Variants in DMD observed in about 807,000 individuals in gnomAD.
DMD encodes the protein mutant dystrophin.
Under a neutral mutation model 330.1 loss-of-function variants are expected in DMD, and 63 were observed. The ratio of observed to expected loss-of-function variants is 0.19; its 90% CI spans 0.16 to 0.24. The LOEUF is 0.24. Among genes scored for constraint, DMD ranks in the 10% least tolerant of loss-of-function variants. The pLI, the probability that DMD is intolerant of heterozygous loss-of-function variation, is 1.00. For missense variants in DMD, 3,344 were observed against 2,684.1 expected (o/e 1.25, Z -5.43); for synonymous variants, 1,223 against 959.8 (o/e 1.27, Z -5.07).
chrX:32,596,003 A>G, intron 12 of DMD, 127 bp from the exon 13 acceptor site: 1 of 599,037 alleles, frequency 1.7e-6, no homozygotes, highest in Non-Finnish European at 2.7e-6. Flanking sequence ...TATTAACCTA[A>G]AACCATTCCA....
chrX:31,687,757 G>A (rs1475889604), intron 52 of DMD, among the ~76,000 whole-genome samples: 1 of 112,138 alleles, frequency 8.9e-6, no homozygotes. Flanking sequence ...GCTGCCAGAT[G>A]TATTGAAGCT....
chrX:31,760,990 G>A (rs1251948900), intron 51 of DMD, among the ~76,000 whole-genome samples: 4 of 99,079 alleles, frequency 4.0e-5, no homozygotes, highest in African/African-American at 1.5e-4. Flanking sequence ...TGTCGCCCAG[G>A]CTGGAGTGCA....
At chrX:32,583,391 C>T (rs948026923) in intron 13 of DMD, among the ~76,000 whole-genome samples, 1 of 111,240 alleles carries the variant, frequency 9.0e-6, no homozygotes, top group Non-Finnish European at 1.9e-5. Flanking sequence ...CCCAGCTATT[C>T]AGGAGGTTGA....
chrX:32,844,813 G>A lies in DMD; in HGVS notation c.234C>T (p.Asn78=), dbSNP rs1370357378. The A allele has an allele frequency of 8.3e-7, 1 of 1,209,943 alleles. No individual in the cohort carries two copies. The highest frequency in any genetic ancestry group is 1.7e-5 in the African/African-American group (1 of 57,208). ...TGTTCTGCAAAACCCGCAGTGCCTTGTTGACATTGTTCAGGGCATGAACTC... is the reference window on the plus strand; with the variant it reads ...TGTTCTGCAAAACCCGCAGTGCCTTATTGACATTGTTCAGGGCATGAACTC... The part of the protein sequence containing the change: ...STRVHALNNV[N]KALRVLQNNN... The change falls in exon 4 of 79, where the codon AAC becomes AAT. Residue 78 remains asparagine, a synonymous_variant. Transcript: ENST00000357033.
At chrX:31,348,171 T>G (rs921134682) in intron 61 of DMD, 4 of 201,783 alleles carry the variant, frequency 2.0e-5, no homozygotes, top group South Asian at 8.1e-5. Context: ...AGGCAGAAAT[T>G]AAAAACTCAA....
chrX:31,804,565 C>G (rs1212288440), intron 50 of DMD, among the ~76,000 whole-genome samples: 1 of 111,975 alleles, frequency 8.9e-6, no homozygotes, highest in East Asian at 2.8e-4. Flanking sequence ...AATTACCCTT[C>G]AAATAAAATG....
chrX:32,457,751 G>A (rs1253653470), intron 25 of DMD, among the ~76,000 whole-genome samples: 2 of 109,887 alleles, frequency 1.8e-5, no homozygotes, highest in Non-Finnish European at 3.8e-5. Context: ...GAGATCTGAC[G>A]AAAGAGATCT....
intron 77 of DMD, among the ~76,000 whole-genome samples, chrX:31,129,958 GA>G (rs1479428132): frequency 9.0e-6 from 1 of 111,689 alleles, no homozygotes; most frequent in Non-Finnish European, 1.9e-5. Flanking sequence ...GGGATGGTAT[GA>G]AAAAAAGAGG....
At chrX:31,809,481 A>G (rs1453309873) in intron 50 of DMD, among the ~76,000 whole-genome samples, 2 of 110,047 alleles carry the variant, frequency 1.8e-5, no homozygotes, top group African/African-American at 6.6e-5. Flanking sequence ...TTGCAATTTA[A>G]GTGGGTACTG....
intron 43 of DMD, among the ~76,000 whole-genome samples, chrX:32,251,124 G>C (rs190122060): frequency 9.1e-6 from 1 of 109,634 alleles, no homozygotes; most frequent in Admixed American, 9.8e-5. Context: ...AACCACCATA[G>C]CACGTGTATA....
chrX:32,556,938 A>T (rs2050367238), intron 16 of DMD, among the ~76,000 whole-genome samples: 1 of 111,782 alleles, frequency 8.9e-6, no homozygotes, highest in Non-Finnish European at 1.9e-5. Flanking sequence ...TATTTTGCAA[A>T]TACTAATACT....
At chrX:32,761,492 T>C (rs2072287100) in intron 7 of DMD, among the ~76,000 whole-genome samples, 1 of 111,923 alleles carries the variant, frequency 8.9e-6, no homozygotes, top group Non-Finnish European at 1.9e-5. Flanking sequence ...ACATACACAA[T>C]GATGATGATG....
chrX:32,741,867 T>TA (rs1232396891), intron 7 of DMD, among the ~76,000 whole-genome samples: 1 of 112,253 alleles, frequency 8.9e-6, no homozygotes, highest in Non-Finnish European at 1.9e-5. Flanking sequence ...TAGAACCTTT[T>TA]AAATAAACTT....
chrX:33,032,260 T>C (rs1173233458), intron 1 of DMD, among the ~76,000 whole-genome samples: 3 of 112,153 alleles, frequency 2.7e-5, no homozygotes, highest in Non-Finnish European at 1.9e-5. Flanking sequence ...AGTACACGCC[T>C]CAGGTAGCCT....
intron 28 of DMD, 82 bp from the exon 29 acceptor site, chrX:32,438,472 G>T: frequency 9.4e-7 from 1 of 1,059,488 alleles, no homozygotes; most frequent in South Asian, 1.9e-5. Context: ...AGTATCTTCT[G>T]ATTTACATAT....
intron 55 of DMD, among the ~76,000 whole-genome samples, chrX:31,565,518 T>A (rs2075419401): frequency 8.9e-6 from 1 of 112,163 alleles, no homozygotes; most frequent in East Asian, 2.8e-4. Context: ...TATGTATGGA[T>A]GTACCGTAGT....
intron 1 of DMD, among the ~76,000 whole-genome samples, chrX:33,064,378 A>G (rs1314644631): frequency 9.0e-6 from 1 of 111,359 alleles, no homozygotes; most frequent in Non-Finnish European, 1.9e-5. Flanking sequence ...GAAATCCTTT[A>G]ATTGTTACTT....
rs188885722 is a variant in DMD, at chrX:33,241,410, A to G, written c.7+97849T>C. 4.5e-5 allele frequency among the ~76,000 whole-genome samples: 5 copies of G among 111,573 alleles called. No homozygotes were observed. The Admixed American group carries it at 4.8e-4, about 11-fold the overall frequency. On this transcript the variant is annotated intron_variant, in intron 1 of 17. Transcript: ENST00000288447. ...GGCCTCTGTTTTATTCCATTGGTCT[A>G]TGTGTCTGTTTTTATGCCAGCACCA...
intron 1 of DMD, among the ~76,000 whole-genome samples, chrX:33,102,297 C>T (rs932156291): frequency 1.2e-4 from 11 of 92,291 alleles, no homozygotes; most frequent in African/African-American, 4.1e-4. Flanking sequence ...GATATTACCC[C>T]AGAAGGCTGG....
Sources: allele counts gnomAD v4.1 joint callset (sites outside exome capture counted in the v4.1 genomes callset), GRCh38; gene constraint gnomAD v4.1.1; transcripts MANE v1.5; gene names NCBI Gene and HGNC (gene_info 2026-07-23, HGNC 2026-07-21).